Variants in RASD2 observed in about 807,000 individuals in gnomAD.
RASD2 encodes GTP-binding protein Rhes.
In RASD2, 7 loss-of-function variants were observed where a neutral mutation model predicts 15.8. The ratio of observed to expected loss-of-function variants is 0.44; its 90% confidence interval spans 0.25 to 0.83. The LOEUF (loss-of-function observed/expected upper bound fraction) is 0.83, where lower values mean the gene tolerates loss of function less well. Ranked by LOEUF, RASD2 falls within the 40% of genes least tolerant of loss-of-function variation. The pLI is 0.20. For synonymous variants in RASD2, 155 were observed against 153.6 expected (o/e 1.01, Z -0.07); for missense variants, 274 against 382.8 (o/e 0.72, Z 2.37).
intron 1 of RASD2, 63 bp from the exon 2 acceptor site, chr22:35,546,738 G>T: frequency 2.6e-6 from 4 of 1,562,026 alleles, no homozygotes; most frequent in Non-Finnish European, 3.5e-6. Flanking sequence ...CCTAGAGGAG[G>T]CCAAGAGGTG....
At chr22:35,535,415 G>GA in the RASD2 span, among the ~76,000 whole-genome samples, 45 of 122,660 alleles carry the variant, frequency 3.7e-4, no homozygotes, top group African/African-American at 5.1e-4. Flanking sequence ...AAAAAAAAAA[G>GA]AAAAAAAAAA....
chr22:35,537,886 A>C (rs184814476), upstream of RASD2, among the ~76,000 whole-genome samples: 16 of 150,570 alleles, frequency 1.1e-4, no homozygotes, highest in East Asian at 2.9e-3. Context: ...CATGGTGGGA[A>C]TCACGTCCTG....
rs771339319 is a variant in RASD2, at chr22:35,552,061, A to G, written c.*29A>G. 3 of 1,576,952 alleles carry G rather than the reference A, an allele frequency of 1.9e-6. No homozygotes were observed. The highest frequency in any genetic ancestry group is 3.4e-5 in the Admixed American group (2 of 58,992). On this transcript the variant is annotated 3_prime_UTR_variant, in exon 3 of 3. Transcript: ENST00000216127. ...AGGGATGCTGGGGCGGGGCTTGGCC[A>G]GTGCCTTCAGGGAGGTGGCCCCAGA...
At chr22:35,550,658 C>G (rs1601817906) in intron 2 of RASD2, among the ~76,000 whole-genome samples, 1 of 152,014 alleles carries the variant, frequency 6.6e-6, no homozygotes, top group Non-Finnish European at 1.5e-5. Flanking sequence ...ACTTTTTCAT[C>G]CTATGATTTA....
chr22:35,533,643 G>GTGGTGATGATGGTGAAGATAGTGA, the RASD2 span, among the ~76,000 whole-genome samples: 3 of 77,252 alleles, frequency 3.9e-5, no homozygotes, highest in South Asian at 5.0e-4. Flanking sequence ...GGTGATGATG[G>GTGGTGATGATGGTGAAGATAGTGA]TGATGATGAC....
Position 35,543,892 on chromosome 22 carries a change from CCTCT to C in RASD2, c.-10+2395_-10+2398del, listed in dbSNP as rs369834552. 4.0e-4 allele frequency among the ~76,000 whole-genome samples: 59 copies of C among 146,488 alleles called. 1 individual carries two copies. The highest frequency in any genetic ancestry group is 1.4e-3 in the African/African-American group (55 of 39,090). ...CTCCTCTGTCTGACTCCCTGCCTCC[CCTCT>C]CTGTCTCACTGCCTCCTCTCTCTGA... On this transcript the variant is annotated intron_variant, in intron 1 of 2. Coordinates refer to ENST00000216127, the MANE Select transcript of RASD2 (RefSeq NM_014310.4).
chr22:35,552,095 G>A lies in RASD2; in HGVS notation c.*63G>A. On this transcript the variant is annotated 3_prime_UTR_variant, in exon 3 of 3. Transcript: ENST00000216127. Reference sequence around the variant, plus strand: ...AGGGAGGTGGCCCCAGATGCCCACTGTGCGCATCTCCCCACCGAGGCCCCG... The same window carrying A: ...AGGGAGGTGGCCCCAGATGCCCACTATGCGCATCTCCCCACCGAGGCCCCG... The A allele has an allele frequency of 6.5e-7, 1 of 1,527,984 alleles. No homozygotes were observed. The highest frequency in any genetic ancestry group is 8.8e-7 in the Non-Finnish European group (1 of 1,136,764). 94.7% of individuals were successfully genotyped at this position (1,527,984 alleles called of 1,614,324 possible).
upstream of RASD2, among the ~76,000 whole-genome samples, chr22:35,537,335 G>A (rs965988835): frequency 6.6e-6 from 1 of 152,224 alleles, no homozygotes; most frequent in Non-Finnish European, 1.5e-5. Context: ...CTTATAATGT[G>A]TGAGATGCTG....
At chr22:35,540,306 T>C (rs1030448108), upstream of RASD2, among the ~76,000 whole-genome samples, 1 of 151,354 alleles carries the variant, frequency 6.6e-6, no homozygotes, top group Non-Finnish European at 1.5e-5. Context: ...GGCCGCCTTC[T>C]GGGCAAGGTG....
chr22:35,551,444 G>A lies in RASD2; in HGVS notation c.272-59G>A. On this transcript the variant is annotated intron_variant, in intron 2 of 2. Transcript: ENST00000216127. The surrounding 1 kb of genome is among the most constrained non-coding windows in gnomAD (Gnocchi z 4.9). ...TCTTAGGGCTGATGTTCTGTGGCCAGAGGAGGGCAGGGGTTGCAGCTGGCC... is the reference window on the plus strand; with the variant it reads ...TCTTAGGGCTGATGTTCTGTGGCCAAAGGAGGGCAGGGGTTGCAGCTGGCC... 1 of 1,549,382 alleles carries A rather than the reference G, an allele frequency of 6.5e-7. No individual in the cohort carries two copies. Among genetic ancestry groups the A allele is most frequent in the Non-Finnish European group, 8.8e-7 (1 of 1,136,896 alleles).
intron 1 of RASD2, among the ~76,000 whole-genome samples, chr22:35,543,631 TC>T (rs1569100894): frequency 6.6e-6 from 1 of 152,178 alleles, no homozygotes; most frequent in Non-Finnish European, 1.5e-5. Context: ...AGAGGCACTG[TC>T]CCCTGGCGTC....
chr22:35,546,723 A>G, intron 1 of RASD2, 78 bp from the exon 2 acceptor site: 2 of 1,518,088 alleles, frequency 1.3e-6, no homozygotes, highest in Non-Finnish European at 1.8e-6. Context: ...AGTCCTAGAC[A>G]GAGGCCTAGA....
At chr22:35,545,993 C>A (rs1013412240) in intron 1 of RASD2, among the ~76,000 whole-genome samples, 1 of 152,106 alleles carries the variant, frequency 6.6e-6, no homozygotes, top group African/African-American at 2.4e-5. Flanking sequence ...AGAACCATAA[C>A]CCTTGGAGTT....
rs115218814 is a variant in RASD2 at position 35,548,686 on chromosome 22, C to G, written c.271+1606C>G. On this transcript the variant is annotated intron_variant, in intron 2 of 2. Coordinates refer to ENST00000216127, the MANE Select transcript of RASD2 (RefSeq NM_014310.4). Reference sequence around the variant, plus strand: ...GGCTTTTCCGAGCATCTGACCCAGACAGCAGTCAAGTTCTCCGCTCCACCC... The same window carrying G: ...GGCTTTTCCGAGCATCTGACCCAGAGAGCAGTCAAGTTCTCCGCTCCACCC... Among the ~76,000 whole-genome samples, 1,304 of 152,332 alleles carry G rather than the reference C, an allele frequency of 8.6e-3. 12 individuals are homozygous for G. The highest frequency in any genetic ancestry group is 0.025 in the African/African-American group (1,019 of 41,572).
At chr22:35,535,089 T>C in the RASD2 span, among the ~76,000 whole-genome samples, 1 of 152,202 alleles carries the variant, frequency 6.6e-6, no homozygotes, top group South Asian at 2.1e-4. Flanking sequence ...TGGATATTGA[T>C]TCTGGACATC....
chr22:35,552,388 C>T lies in RASD2; in HGVS notation c.*356C>T, dbSNP rs736210. On this transcript the variant is annotated 3_prime_UTR_variant, in exon 3 of 3. Transcript: ENST00000216127. ...GTCATATGGAGCCTCCTGGGACAAGCCTCAGGATGAAAAGGACACAGAAGG... is the reference window on the plus strand; with the variant it reads ...GTCATATGGAGCCTCCTGGGACAAGTCTCAGGATGAAAAGGACACAGAAGG... The T allele has an allele frequency of 0.31, 79,635 of 253,170 alleles. 13,885 individuals are homozygous for T. Among genetic ancestry groups the T allele is most frequent in the East Asian group, 0.56 (6,740 of 12,102 alleles). The allele number at this position is 253,170 out of a possible 1,614,324, so 15.7% of individuals were successfully genotyped here.
At chr22:35,543,427 A>G (rs1490484368) in intron 1 of RASD2, among the ~76,000 whole-genome samples, 1 of 150,278 alleles carries the variant, frequency 6.7e-6, no homozygotes, top group African/African-American at 2.4e-5. Context: ...TCAGTCACTG[A>G]TATTGGACTC....
chr22:35,546,663 A>G, intron 1 of RASD2, 138 bp from the exon 2 acceptor site: 1 of 1,189,588 alleles, frequency 8.4e-7, no homozygotes. Context: ...TAGAACTCCA[A>G]GACCCCTTAG....
chr22:35,535,248 T>G, the RASD2 span, among the ~76,000 whole-genome samples: 186 of 151,368 alleles, frequency 1.2e-3, no homozygotes, highest in Non-Finnish European at 2.1e-3. Context: ...TACAAAAAAT[T>G]TAAAAATTAG....
Sources: allele counts gnomAD v4.1 joint callset (sites outside exome capture counted in the v4.1 genomes callset), GRCh38; gene constraint gnomAD v4.1.1; non-coding constraint Gnocchi (gnomAD v3.1); transcripts MANE v1.5; gene names NCBI Gene and HGNC (gene_info 2026-07-23, HGNC 2026-07-21).